Variants in TCERG1L observed in about 807,000 individuals in gnomAD.
TCERG1L encodes the protein transcription elongation regulator 1 like, also known as transcription elongation regulator 1-like protein.
TCERG1L carries 37 observed loss-of-function variants against 56.3 expected under a neutral mutation model. That is an observed-to-expected ratio of 0.66 (90% CI 0.51 to 0.87). The LOEUF (loss-of-function observed/expected upper bound fraction) is 0.87, where lower values mean the gene tolerates loss of function less well. Ranked by LOEUF, TCERG1L falls within the 40% of genes least tolerant of loss-of-function variation. The pLI, the probability that TCERG1L is intolerant of heterozygous loss-of-function variation, is 0.00. For missense variants in TCERG1L, 799 were observed against 774.2 expected (o/e 1.03, Z -0.38); for synonymous variants, 324 against 326.3 (o/e 0.99, Z 0.08).
chr10:131,208,592 C>G (rs1845575144), intron 4 of TCERG1L, among the ~76,000 whole-genome samples: 1 of 152,188 alleles, frequency 6.6e-6, no homozygotes, highest in Admixed American at 6.5e-5. Context: ...GTCCCCTGCC[C>G]CACCGTTTCT....
chr10:131,132,704 T>C (rs1845631032), intron 8 of TCERG1L, among the ~76,000 whole-genome samples: 1 of 152,256 alleles, frequency 6.6e-6, no homozygotes, highest in Non-Finnish European at 1.5e-5. Flanking sequence ...GGCTCTTTCC[T>C]GGAGCCCTTG....
chr10:131,187,127 T>C (rs1845253899), intron 4 of TCERG1L, among the ~76,000 whole-genome samples: 1 of 152,122 alleles, frequency 6.6e-6, no homozygotes, highest in African/African-American at 2.4e-5. Flanking sequence ...CCGAGGGAAA[T>C]AGAGAAGTCC....
Position 131,206,474 on chromosome 10 carries a change from G to A in TCERG1L, c.857-39589C>T, listed in dbSNP as rs945049412. Among the ~76,000 whole-genome samples, 4 of 152,228 alleles carry A rather than the reference G, an allele frequency of 2.6e-5. No individual in the cohort carries two copies. The East Asian group carries it at 7.7e-4, about 29-fold the overall frequency. ...CCTCAAAGGAAGGGGCACGAGGAGA[G>A]GCAGAATAGAGGGCGTTTTATCCAT... On this transcript the variant is annotated intron_variant, in intron 4 of 11. Coordinates refer to ENST00000368642, the MANE Select transcript of TCERG1L (RefSeq NM_174937.4).
rs932626657 is a variant in TCERG1L, at chr10:131,134,422, C to T, written c.1216G>A (p.Glu406Lys). 1.3e-6 allele frequency: 2 copies of T among 1,596,036 alleles called. No individual in the cohort carries two copies. The highest frequency in any genetic ancestry group is 1.3e-5 in the African/African-American group (1 of 74,656). ...ACATCTTGGTCTTCCCTGTTGTCTT[C>T]AGAACTGGACCCATCGCTGTTGTCA... ...ATDNSDGSSS[E>K]DNREDQDVKT... Residue 406 changes from glutamate to lysine, a missense_variant, in exon 8 of 12, where the codon GAA (glutamate) becomes AAA (lysine). Coordinates refer to ENST00000368642, the MANE Select transcript of TCERG1L (RefSeq NM_174937.4).
At chr10:131,238,311 G>A (rs10829956) in intron 4 of TCERG1L, among the ~76,000 whole-genome samples, 67,994 of 152,076 alleles carry the variant, frequency 0.45, 15,569 homozygotes, top group African/African-American at 0.55. Flanking sequence ...TTTGGAGACA[G>A]TTTGCAGAAG....
chr10:131,310,896 A>C (rs1846882680), intron 1 of TCERG1L, among the ~76,000 whole-genome samples: 1 of 152,234 alleles, frequency 6.6e-6, no homozygotes, highest in Non-Finnish European at 1.5e-5. Flanking sequence ...GCTTGCTTTC[A>C]AGTCTGGCAG....
chr10:131,201,950 C>T (rs977144273), intron 4 of TCERG1L, among the ~76,000 whole-genome samples: 2 of 152,192 alleles, frequency 1.3e-5, no homozygotes, highest in Non-Finnish European at 2.9e-5. Context: ...CTAACAAGTC[C>T]CAGGGCCACG....
chr10:131,292,651 G>A (rs113094114), intron 3 of TCERG1L, among the ~76,000 whole-genome samples: 13 of 152,244 alleles, frequency 8.5e-5, no homozygotes, highest in African/African-American at 7.2e-5. Flanking sequence ...AACCTGTGGC[G>A]TCTCAGGTGC....
At chr10:131,208,633 A>G (rs746859215) in intron 4 of TCERG1L, among the ~76,000 whole-genome samples, 1 of 152,172 alleles carries the variant, frequency 6.6e-6, no homozygotes, top group Non-Finnish European at 1.5e-5. Context: ...CTTTCTTAGG[A>G]TGTAGGTTGA....
intron 4 of TCERG1L, among the ~76,000 whole-genome samples, chr10:131,254,402 T>TC (rs1024001028): frequency 6.6e-5 from 10 of 151,570 alleles, no homozygotes; most frequent in Non-Finnish European, 1.5e-4. Context: ...TAGGCTGGAC[T>TC]CCAATTCCCA....
chr10:131,166,087 G>A (rs1230113504), intron 5 of TCERG1L, among the ~76,000 whole-genome samples: 1 of 152,184 alleles, frequency 6.6e-6, no homozygotes, highest in Admixed American at 6.5e-5. Flanking sequence ...GATTCAGGAG[G>A]AGACGTGAAC....
Position 131,258,239 on chromosome 10 carries a change from G to A in TCERG1L, c.856+2020C>T, listed in dbSNP as rs574388639. 1.4e-4 allele frequency among the ~76,000 whole-genome samples: 21 copies of A among 152,344 alleles called. No homozygotes were observed. The East Asian group carries it at 4.1e-3, about 29-fold the overall frequency. On this transcript the variant is annotated intron_variant, in intron 4 of 11. Transcript: ENST00000368642. Reference sequence around the variant, plus strand: ...CAACGCCTTGCTCCCATCGTTCTGTGGGCCTCTTGCGATGGTTTAGAAAAC... The same window carrying A: ...CAACGCCTTGCTCCCATCGTTCTGTAGGCCTCTTGCGATGGTTTAGAAAAC...
chr10:131,246,845 G>A (rs1255405891), intron 4 of TCERG1L, among the ~76,000 whole-genome samples: 1 of 152,240 alleles, frequency 6.6e-6, no homozygotes, highest in Non-Finnish European at 1.5e-5. Context: ...CATAGAGGTG[G>A]GGGCCGCACA....
chr10:131,104,704 C>T (rs1317653914), intron 9 of TCERG1L, among the ~76,000 whole-genome samples: 1 of 152,162 alleles, frequency 6.6e-6, no homozygotes, highest in Non-Finnish European at 1.5e-5. Flanking sequence ...TCAGAACCCC[C>T]ACAGACCATA....
chr10:131,257,486 C>T (rs1279730608), intron 4 of TCERG1L, among the ~76,000 whole-genome samples: 1 of 152,228 alleles, frequency 6.6e-6, no homozygotes, highest in African/African-American at 2.4e-5. Context: ...CTTTCCAACA[C>T]AGAGCCCGCT....
At chr10:131,291,734 C>T (rs1846630012) in intron 3 of TCERG1L, among the ~76,000 whole-genome samples, 1 of 151,842 alleles carries the variant, frequency 6.6e-6, no homozygotes, top group Non-Finnish European at 1.5e-5. Flanking sequence ...CCTCCATAAA[C>T]AGCATTTCTA....
intron 4 of TCERG1L, among the ~76,000 whole-genome samples, chr10:131,256,989 G>A (rs1399371804): frequency 3.4e-4 from 24 of 70,272 alleles, no homozygotes; most frequent in East Asian, 3.4e-4. Context: ...AGGAAGGAAG[G>A]AAGGAAAGAA....
intron 4 of TCERG1L, among the ~76,000 whole-genome samples, chr10:131,199,708 GCAGTCATAAAGGGC>G (rs1297321555): frequency 6.6e-6 from 1 of 152,176 alleles, no homozygotes; most frequent in African/African-American, 2.4e-5. Flanking sequence ...CTGACAACAA[GCAGTCATAAAGGGC>G]CACATACCAG....
At chr10:131,280,255 A>T (rs1247759363) in intron 3 of TCERG1L, among the ~76,000 whole-genome samples, 1 of 151,946 alleles carries the variant, frequency 6.6e-6, no homozygotes, top group African/African-American at 2.4e-5. Context: ...GCAATCAGAC[A>T]TGCACTTAAC....
Sources: gnomAD v4.1 joint callset for allele counts (sites outside exome capture counted in the v4.1 genomes callset) on GRCh38, gnomAD v4.1.1 for gene constraint, MANE v1.5 for transcripts, NCBI Gene and HGNC (gene_info 2026-07-23, HGNC 2026-07-21) for gene names.